Variants in CMSS1 observed in about 807,000 individuals in gnomAD.
CMSS1 encodes protein CMSS1.
A neutral mutation model predicts 43.5 loss-of-function variants in CMSS1; 33 were observed. That is an observed-to-expected ratio of 0.76 (90% CI 0.57 to 1.01). The LOEUF (loss-of-function observed/expected upper bound fraction) is 1.01. Among genes scored for constraint, CMSS1 ranks in the 50% least tolerant of loss-of-function variants. The pLI is 0.00. For synonymous variants in CMSS1, 115 were observed against 117.2 expected, an observed-to-expected ratio of 0.98 and a Z score of 0.12; for missense variants, 313 against 326.4, an observed-to-expected ratio of 0.96 and a Z score of 0.32.
intron 1 of CMSS1, among the ~76,000 whole-genome samples, chr3:99,833,589 G>C (rs2107489479): frequency 6.6e-6 from 1 of 152,352 alleles, no homozygotes; most frequent in South Asian, 2.1e-4. Context: ...CTGGAGTCAG[G>C]ATGTTTCCTT....
chr3:100,146,854 G>A, intron 1 of CMSS1, 119 bp from the exon 2 acceptor site: 1 of 1,281,442 alleles, frequency 7.8e-7, no homozygotes, highest in Non-Finnish European at 1.1e-6. Flanking sequence ...CTTAAGTGCA[G>A]CTTCTTTGAG....
intron 1 of CMSS1, among the ~76,000 whole-genome samples, chr3:100,048,056 C>G (rs1233503722): frequency 6.6e-6 from 1 of 152,062 alleles, no homozygotes; most frequent in Non-Finnish European, 1.5e-5. Context: ...AGGGACTGTC[C>G]CAGGCAAGCT....
At chr3:100,086,304 C>T (rs1428112852) in intron 1 of CMSS1, among the ~76,000 whole-genome samples, 1 of 152,118 alleles carries the variant, frequency 6.6e-6, no homozygotes, top group African/African-American at 2.4e-5. Flanking sequence ...AGAAAAGCCA[C>T]GAAGTTAGTT....
chr3:99,930,659 G>A (rs1707448690), intron 1 of CMSS1: 2 of 1,176,332 alleles, frequency 1.7e-6, no homozygotes, highest in Non-Finnish European at 2.4e-6. Context: ...TTGCTTTCAT[G>A]TACACACATG....
At chr3:99,927,249 AG>A (rs1392898994) in intron 1 of CMSS1, among the ~76,000 whole-genome samples, 1 of 152,222 alleles carries the variant, frequency 6.6e-6, no homozygotes, top group East Asian at 1.9e-4. Context: ...TAAATTTAAA[AG>A]CTTAATTATA....
chr3:100,120,330 A>G (rs572574017), intron 1 of CMSS1, among the ~76,000 whole-genome samples: 40 of 152,310 alleles, frequency 2.6e-4, no homozygotes, highest in African/African-American at 9.1e-4. Flanking sequence ...TACTTTTCCA[A>G]ATAGGCACTG....
chr3:100,137,262 C>G (rs766442351), intron 1 of CMSS1, among the ~76,000 whole-genome samples: 1 of 152,174 alleles, frequency 6.6e-6, no homozygotes. Context: ...TATAGTGTAG[C>G]CTTCCCAGAG....
intron 1 of CMSS1, among the ~76,000 whole-genome samples, chr3:100,139,727 G>A (rs1250720125): frequency 6.7e-6 from 1 of 150,050 alleles, no homozygotes. Flanking sequence ...AACCCAGGAG[G>A]CGGAGGTTGC....
intron 1 of CMSS1, chr3:99,925,707 G>T (rs17313676): frequency 9.9e-6 from 2 of 201,652 alleles, no homozygotes; most frequent in Non-Finnish European, 1.8e-5. Flanking sequence ...AAGAGTGAGA[G>T]CACCAAGGAC....
intron 1 of CMSS1, chr3:99,850,996 G>T: frequency 6.2e-7 from 1 of 1,613,814 alleles, no homozygotes; most frequent in South Asian, 1.1e-5. Context: ...CTCTTTCAGG[G>T]TGGTGACCCT....
At chr3:100,039,404 A>T (rs1238355380) in intron 1 of CMSS1, among the ~76,000 whole-genome samples, 1 of 152,236 alleles carries the variant, frequency 6.6e-6, no homozygotes, top group South Asian at 2.1e-4. Context: ...AGTATGTAGT[A>T]TAAAGATTTC....
chr3:99,935,990 A>G (rs1477439352), intron 1 of CMSS1, among the ~76,000 whole-genome samples: 2 of 152,324 alleles, frequency 1.3e-5, no homozygotes, highest in South Asian at 2.1e-4. Flanking sequence ...ATTACTTATT[A>G]TAAAATTTAA....
chr3:99,937,125 A>G (rs1707703647), intron 1 of CMSS1, among the ~76,000 whole-genome samples: 1 of 151,722 alleles, frequency 6.6e-6, no homozygotes, highest in African/African-American at 2.4e-5. Context: ...TTTAGTAGAG[A>G]TGGAGTTTCA....
chr3:99,896,479 C>T (rs1378830382), intron 1 of CMSS1, among the ~76,000 whole-genome samples: 1 of 152,092 alleles, frequency 6.6e-6, no homozygotes. Flanking sequence ...TGGTAGTCAC[C>T]TTAAGCTACT....
chr3:100,094,958 G>C (rs894263135), intron 1 of CMSS1, among the ~76,000 whole-genome samples: 8 of 152,080 alleles, frequency 5.3e-5, no homozygotes, highest in African/African-American at 1.7e-4. Context: ...AAAGTGCTGG[G>C]ATTACAGGAG....
chr3:100,140,702 G>A (rs947829905), intron 1 of CMSS1, among the ~76,000 whole-genome samples: 11 of 152,106 alleles, frequency 7.2e-5, no homozygotes, highest in African/African-American at 2.4e-4. Flanking sequence ...AAGGTTGTTC[G>A]CTAGGGCAGA....
intron 6 of CMSS1, among the ~76,000 whole-genome samples, chr3:100,169,701 C>G (rs1035749402): frequency 9.9e-5 from 15 of 152,126 alleles, no homozygotes; most frequent in African/African-American, 3.4e-4. Context: ...TTTTTCTGCT[C>G]TAAACATAAT....
intron 1 of CMSS1, among the ~76,000 whole-genome samples, chr3:100,146,446 T>C (rs532149304): frequency 6.6e-6 from 1 of 152,358 alleles, no homozygotes; most frequent in South Asian, 2.1e-4. Flanking sequence ...AAATAGACTT[T>C]AGTTCCCAGG....
intron 1 of CMSS1, among the ~76,000 whole-genome samples, chr3:99,937,439 A>T (rs1707714105): frequency 6.6e-6 from 1 of 152,236 alleles, no homozygotes. Context: ...CACTGCTGTC[A>T]TATTGAAGTG....
Sources: allele counts gnomAD v4.1 joint callset (sites outside exome capture counted in the v4.1 genomes callset), GRCh38; gene constraint gnomAD v4.1.1; transcripts MANE v1.5; gene names NCBI Gene and HGNC (gene_info 2026-07-23, HGNC 2026-07-21).